KLHDC10: variants seen among roughly 807,000 people sequenced by gnomAD.
KLHDC10 encodes kelch domain containing 10.
Under a neutral mutation model 56.1 loss-of-function variants are expected in KLHDC10, and 24 were observed. The ratio of observed to expected loss-of-function variants is 0.43; its 90% CI spans 0.31 to 0.60. The LOEUF is 0.60. KLHDC10 is among the 20% of genes least tolerant of loss of function. The pLI, the probability that KLHDC10 is intolerant of heterozygous loss-of-function variation, is 0.11. For missense variants in KLHDC10, 349 were observed against 567.0 expected (o/e 0.62, Z 3.91); for synonymous variants, 188 against 207.1 (o/e 0.91, Z 0.79).
chr7:130,079,918 C>T (rs1294567756), intron 1 of KLHDC10, among the ~76,000 whole-genome samples: 1 of 90,420 alleles, frequency 1.1e-5, no homozygotes, highest in Admixed American at 9.1e-5. Context: ...CCCTCCCTTC[C>T]TCCCTTTCTC....
Position 130,087,830 on chromosome 7 carries a change from G to A in KLHDC10, c.167-9091G>A, listed in dbSNP as rs182431898. ...GGCTGGAGTGCAATGGTACAGTATC[G>A]GCTCACTGCAACCTCCACCTCCCGG... On this transcript the variant is annotated intron_variant, in intron 1 of 9. Transcript: ENST00000335420. 4.5e-4 allele frequency among the ~76,000 whole-genome samples: 67 copies of A among 149,612 alleles called. 1 individual carries two copies. Among genetic ancestry groups the A allele is most frequent in the Admixed American group, 4.4e-3 (65 of 14,896 alleles).
At chr7:130,128,913 T>A (rs1205635498) in intron 8 of KLHDC10, among the ~76,000 whole-genome samples, 14 of 129,906 alleles carry the variant, frequency 1.1e-4, no homozygotes, top group Non-Finnish European at 1.6e-4. Flanking sequence ...TATATATATA[T>A]ATATATACAT....
chr7:130,079,026 G>GT (rs1036481033), intron 1 of KLHDC10, among the ~76,000 whole-genome samples: 2 of 151,588 alleles, frequency 1.3e-5, no homozygotes, highest in Non-Finnish European at 2.9e-5. Context: ...AGCTGTTACT[G>GT]TTTTTTTAAA....
intron 1 of KLHDC10, among the ~76,000 whole-genome samples, chr7:130,081,606 A>G (rs1156663302): frequency 6.6e-6 from 1 of 152,268 alleles, no homozygotes; most frequent in Non-Finnish European, 1.5e-5. Flanking sequence ...GGCATGAGCC[A>G]CTGCACCCGG....
intron 1 of KLHDC10, among the ~76,000 whole-genome samples, chr7:130,077,866 T>G (rs1400940897): frequency 6.6e-6 from 1 of 152,006 alleles, no homozygotes; most frequent in Non-Finnish European, 1.5e-5. Context: ...GGGTTTCTAC[T>G]TTCTTTTATA....
intron 2 of KLHDC10, among the ~76,000 whole-genome samples, chr7:130,108,102 G>T (rs902967068): frequency 1.3e-5 from 2 of 150,120 alleles, no homozygotes; most frequent in Non-Finnish European, 3.0e-5. Context: ...GGTCGTGTGC[G>T]CCTGGAGTCC....
intron 2 of KLHDC10, among the ~76,000 whole-genome samples, chr7:130,103,198 G>A (rs1210866260): frequency 6.6e-6 from 1 of 152,036 alleles, no homozygotes; most frequent in East Asian, 1.9e-4. Context: ...GGCCGAGGCA[G>A]GTGAACCACG....
chr7:130,104,492 A>G (rs773622759), intron 2 of KLHDC10, among the ~76,000 whole-genome samples: 4 of 152,198 alleles, frequency 2.6e-5, no homozygotes, highest in South Asian at 2.1e-4. Flanking sequence ...CTACAAATCA[A>G]TTTCAAAAAA....
intron 2 of KLHDC10, among the ~76,000 whole-genome samples, chr7:130,099,182 T>G (rs1190097872): frequency 6.6e-6 from 1 of 152,222 alleles, no homozygotes; most frequent in Non-Finnish European, 1.5e-5. Context: ...CTTCACTAGC[T>G]TCTTTCTTCC....
rs1336643717 is a variant in KLHDC10, at chr7:130,133,154, A to C, written c.*2408A>C. On this transcript the variant is annotated 3_prime_UTR_variant, in exon 10 of 10. Coordinates refer to ENST00000335420, the MANE Select transcript of KLHDC10 (RefSeq NM_014997.4). Reference sequence around the variant, plus strand: ...GTATGACCAGCACTGAGTGCTATAGAACCACACATGTGTACATGTTCTGGA... The same window carrying C: ...GTATGACCAGCACTGAGTGCTATAGCACCACACATGTGTACATGTTCTGGA... 6.6e-6 allele frequency: 1 copy of C among 152,262 alleles called. No homozygotes were observed. The highest frequency in any genetic ancestry group is 1.9e-4 in the East Asian group (1 of 5,198). The allele number at this position is 152,262 out of a possible 1,614,324, so 9.4% of individuals were successfully genotyped here.
chr7:130,109,212 CTT>C (rs113184697), intron 2 of KLHDC10, among the ~76,000 whole-genome samples: 1,631 of 144,594 alleles, frequency 0.011, 20 homozygotes, highest in African/African-American at 0.036. Flanking sequence ...CAGCAGGTCT[CTT>C]TTTTTTTTTT....
chr7:130,111,520 G>A (rs960055984), intron 2 of KLHDC10, among the ~76,000 whole-genome samples: 1 of 152,102 alleles, frequency 6.6e-6, no homozygotes, highest in Non-Finnish European at 1.5e-5. Flanking sequence ...ACCAGCCTGG[G>A]CAACATAATG....
At position 130,133,273 on chromosome 7, in the gene KLHDC10, C is replaced by T. The variant is rs1796424955; in HGVS notation, c.*2527C>T. ...TTTCGGTATACCTATAACCAGCACT[C>T]GGAATTCCTGACACTGTTTACTTGA... On this transcript the variant is annotated 3_prime_UTR_variant, in exon 10 of 10. Transcript: ENST00000335420. The T allele has an allele frequency of 6.6e-6, 1 of 152,174 alleles. No individual in the cohort carries two copies. The highest frequency in any genetic ancestry group is 1.5e-5 in the Non-Finnish European group (1 of 68,030). The allele number at this position is 152,174 out of a possible 1,614,324, so 9.4% of individuals were successfully genotyped here. A position where few individuals can be genotyped will look rare whatever the true frequency, so the allele number is the denominator to read the frequency against.
Position 130,120,957 on chromosome 7 carries a change from G to A in KLHDC10, c.630+54G>A, listed in dbSNP as rs1161526034. Reference sequence around the variant, plus strand: ...TTTGTTCATATTTTTCTAGTCTGGGGATGGTGTTAGAATATTTGTAATTGT... The same window carrying A: ...TTTGTTCATATTTTTCTAGTCTGGGAATGGTGTTAGAATATTTGTAATTGT... On this transcript the variant is annotated intron_variant, in intron 4 of 9. Transcript: ENST00000335420. This position sits in a 1 kb window ranked among gnomAD's most constrained non-coding sequence, Gnocchi z 5.1. 48 of 1,536,154 alleles carry A rather than the reference G, an allele frequency of 3.1e-5. No individual in the cohort carries two copies. The highest frequency in any genetic ancestry group is 1.8e-6 in the Non-Finnish European group (2 of 1,119,024).
At chr7:130,114,164 G>A (rs1195080879) in intron 2 of KLHDC10, among the ~76,000 whole-genome samples, 1 of 152,118 alleles carries the variant, frequency 6.6e-6, no homozygotes, top group African/African-American at 2.4e-5. Flanking sequence ...GGTGTTGTGG[G>A]TGATACAGGA....
Position 130,125,603 on chromosome 7 carries a change from A to G in KLHDC10, c.865-262A>G, listed in dbSNP as rs116022720. On this transcript the variant is annotated intron_variant, in intron 6 of 9. Coordinates refer to ENST00000335420, the MANE Select transcript of KLHDC10 (RefSeq NM_014997.4). ...TGTTTAATTTTCAACTGCCTCATTT[A>G]ATGTTTTCCCTTGTATTTGGAAAGA... Among the ~76,000 whole-genome samples, 369 of 152,318 alleles carry G rather than the reference A, an allele frequency of 2.4e-3. 1 individual carries two copies. Among genetic ancestry groups the G allele is most frequent in the African/African-American group, 8.3e-3 (347 of 41,564 alleles).
chr7:130,123,853 A>G (rs1382447329), intron 5 of KLHDC10, among the ~76,000 whole-genome samples: 1 of 152,198 alleles, frequency 6.6e-6, no homozygotes, highest in Non-Finnish European at 1.5e-5. Flanking sequence ...AAATTATTTT[A>G]GCTTTTAGCT....
In KLHDC10 at chr7:130,116,752, A is replaced by C. The variant is rs1165040574; in HGVS notation, c.475+86A>C. On this transcript the variant is annotated intron_variant, in intron 3 of 9. Coordinates refer to ENST00000335420, the MANE Select transcript of KLHDC10 (RefSeq NM_014997.4). This position sits in a 1 kb window ranked among gnomAD's most constrained non-coding sequence, Gnocchi z 4.8. ...GTCCCATATTCCTCATTAATAATTT[A>C]TAACACTATAATGTGATTTCGCCCT... The C allele has an allele frequency of 2.7e-6, 3 of 1,110,186 alleles. No individual in the cohort carries two copies. The highest frequency in any genetic ancestry group is 3.1e-5 in the African/African-American group (2 of 65,020). 68.8% of individuals were successfully genotyped at this position (1,110,186 alleles called of 1,614,324 possible).
In KLHDC10 at chr7:130,127,465, AT is replaced by A; in HGVS notation, c.979+15del. The A allele has an allele frequency of 6.3e-7, 1 of 1,590,564 alleles. No homozygotes were observed. The highest frequency in any genetic ancestry group is 2.2e-5 in the East Asian group (1 of 44,786). On this transcript the variant is annotated intron_variant, in intron 8 of 9. Coordinates refer to ENST00000335420, the MANE Select transcript of KLHDC10 (RefSeq NM_014997.4). ...AAATAAAAAATGGTAAGGATTCTAA[AT>A]AACATTTTGCTTCCATTTCTGTAAT... is the stretch of plus-strand genomic sequence containing the variant.
Sources: gnomAD v4.1 joint callset for allele counts (sites outside exome capture counted in the v4.1 genomes callset) on GRCh38, gnomAD v4.1.1 for gene constraint, Gnocchi (gnomAD v3.1) non-coding constraint, MANE v1.5 for transcripts, NCBI Gene and HGNC (gene_info 2026-07-23, HGNC 2026-07-21) for gene names.